The following ABCG1 variants were observed in gnomAD, a reference collection of about 807,000 sequenced individuals.
The protein encoded by ABCG1 is ATP-binding cassette sub-family G member 1.
Under a neutral mutation model 69.2 loss-of-function variants are expected in ABCG1, and 29 were observed. The ratio of observed to expected loss-of-function variants is 0.42; its 90% CI spans 0.31 to 0.57. The LOEUF (loss-of-function observed/expected upper bound fraction) is 0.57, where lower values mean the gene tolerates loss of function less well. Among genes scored for constraint, ABCG1 ranks in the 20% least tolerant of loss-of-function variants. The pLI is 0.15. For synonymous variants in ABCG1, 370 were observed against 374.8 expected, an observed-to-expected ratio of 0.99 and a Z score of 0.15; for missense variants, 718 against 898.1, an observed-to-expected ratio of 0.80 and a Z score of 2.56.
chr21:42,269,765 G>C (rs2068582167), intron 2 of ABCG1, among the ~76,000 whole-genome samples: 2 of 152,172 alleles, frequency 1.3e-5, no homozygotes, highest in Admixed American at 1.3e-4. Context: ...AAGACAGCTG[G>C]GAGCAAACTC....
chr21:42,240,089 T>C (rs1400575674), intron 2 of ABCG1, among the ~76,000 whole-genome samples: 1 of 152,208 alleles, frequency 6.6e-6, no homozygotes, highest in East Asian at 1.9e-4. Flanking sequence ...GTGCTCATCT[T>C]GGGACAGGCA....
intron 5 of ABCG1, 22 bp from the exon 6 acceptor site, chr21:42,282,252 T>C: frequency 6.2e-7 from 1 of 1,605,006 alleles, no homozygotes. Context: ...GCTCCCAATG[T>C]CTCTCGTTCT....
chr21:42,245,685 G>A (rs907144033), intron 2 of ABCG1, among the ~76,000 whole-genome samples: 1 of 152,256 alleles, frequency 6.6e-6, no homozygotes, highest in Non-Finnish European at 1.5e-5. Flanking sequence ...AGACAGAGAA[G>A]AGAGCACAGC....
chr21:42,292,290 C>T (rs1318761227), intron 13 of ABCG1, among the ~76,000 whole-genome samples: 1 of 152,100 alleles, frequency 6.6e-6, no homozygotes, highest in Non-Finnish European at 1.5e-5. Context: ...ACCTCCAGTC[C>T]ACCATAAGCA....
At chr21:42,214,693 G>A (rs1360854137), upstream of ABCG1, among the ~76,000 whole-genome samples, 1 of 152,206 alleles carries the variant, frequency 6.6e-6, no homozygotes, top group East Asian at 1.9e-4. Context: ...CTTACACTTG[G>A]GGCAGCATCT....
chr21:42,259,690 A>C (rs964903633), intron 2 of ABCG1, among the ~76,000 whole-genome samples: 8 of 152,268 alleles, frequency 5.3e-5, no homozygotes, highest in Non-Finnish European at 8.8e-5. Flanking sequence ...TCGCACGTGC[A>C]TGTAATCCAC....
chr21:42,259,482 C>A (rs1281250356), intron 2 of ABCG1: 14 of 1,548,056 alleles, frequency 9.0e-6, no homozygotes, highest in South Asian at 8.3e-5. Context: ...TGTCATCATG[C>A]CCCCATCCAA....
Position 42,207,824 on chromosome 21 carries a change from G to T in ABCG1, c.48+6101G>T, listed in dbSNP as rs180941077. On this transcript the variant is annotated intron_variant, in intron 2 of 15. Transcript: ENST00000398457. ...AGACCTTAACTACTGTTCCCCACAT[G>T]GTCTTCATGACATCACAGGGTGATG... Among the ~76,000 whole-genome samples the T allele has an allele frequency of 3.0e-4, 45 of 152,300 alleles. No homozygotes were observed. In the East Asian group the frequency reaches 6.4e-3, roughly 22 times the overall value.
chr21:42,225,737 G>T lies in ABCG1; in HGVS notation c.109G>T (p.Val37Leu). 6.2e-7 allele frequency: 1 copy of T among 1,610,708 alleles called. No individual in the cohort carries two copies. Among genetic ancestry groups the T allele is most frequent in the Non-Finnish European group, 8.5e-7 (1 of 1,178,694 alleles). Residue 37 changes from valine to leucine, a missense_variant, in exon 2 of 15, where the codon GTG becomes TTG. This residue lies in a region of ABCG1 where 514 missense variants were observed against 574.3 expected (regional missense o/e 0.90). Transcript: ENST00000398449. ...GGTGTGTGTCTCGGTGGATGAGGTG[G>T]TGTCCAGCAACATGGAGGCCACTGA... ...KSVCVSVDEV[V>L]SSNMEATETD...
chr21:42,225,468 G>A (rs147719637), intron 1 of ABCG1, among the ~76,000 whole-genome samples: 1 of 152,216 alleles, frequency 6.6e-6, no homozygotes, highest in East Asian at 1.9e-4. Context: ...TTTACCTTAA[G>A]CATTTTTTAA....
At chr21:42,215,320 G>A (rs1471914382), upstream of ABCG1, among the ~76,000 whole-genome samples, 1 of 152,220 alleles carries the variant, frequency 6.6e-6, no homozygotes, top group Non-Finnish European at 1.5e-5. Flanking sequence ...CAGAGGCCAA[G>A]TCCTCAGTGT....
intron 13 of ABCG1, among the ~76,000 whole-genome samples, chr21:42,292,397 G>T (rs1391565889): frequency 6.6e-6 from 1 of 152,068 alleles, no homozygotes; most frequent in East Asian, 1.9e-4. Context: ...AGATGACACT[G>T]CAGGAAGGTG....
At chr21:42,272,903 C>T (rs143473833) in intron 3 of ABCG1, among the ~76,000 whole-genome samples, 1 of 152,356 alleles carries the variant, frequency 6.6e-6, no homozygotes, top group East Asian at 1.9e-4. Flanking sequence ...GCCTGAGCTA[C>T]ACACAGAATT....
chr21:42,253,184 T>C (rs1043224207), intron 2 of ABCG1, among the ~76,000 whole-genome samples: 5 of 152,078 alleles, frequency 3.3e-5, no homozygotes, highest in African/African-American at 1.2e-4. Flanking sequence ...CCAGGGAGGA[T>C]CCTTTCAGCT....
chr21:42,202,877 T>A (rs2067517699), intron 2 of ABCG1, among the ~76,000 whole-genome samples: 1 of 152,146 alleles, frequency 6.6e-6, no homozygotes, highest in African/African-American at 2.4e-5. Flanking sequence ...CCTCCCAAAG[T>A]GCTGGGATTA....
At chr21:42,208,755 C>G (rs781672769) in intron 2 of ABCG1, among the ~76,000 whole-genome samples, 2 of 152,192 alleles carry the variant, frequency 1.3e-5, no homozygotes, top group Admixed American at 6.5e-5. Context: ...TTTCCCTGCT[C>G]TAGCAATTTT....
At chr21:42,281,755 G>A (rs916817258) in intron 5 of ABCG1, among the ~76,000 whole-genome samples, 1 of 152,084 alleles carries the variant, frequency 6.6e-6, no homozygotes, top group Non-Finnish European at 1.5e-5. Context: ...AGAGTGCTGG[G>A]AACAGCCCCC....
intron 2 of ABCG1, among the ~76,000 whole-genome samples, chr21:42,267,444 G>A (rs1217812672): frequency 6.7e-6 from 1 of 149,938 alleles, no homozygotes; most frequent in Non-Finnish European, 1.5e-5. Context: ...GGTGTGGTCC[G>A]AGTTCTGTCT....
At chr21:42,225,197 T>C (rs778251766) in intron 1 of ABCG1, among the ~76,000 whole-genome samples, 1 of 152,248 alleles carries the variant, frequency 6.6e-6, no homozygotes. Flanking sequence ...GCTCAGGTGA[T>C]GTCATTGCTC....
Sources: allele counts gnomAD v4.1 joint callset (sites outside exome capture counted in the v4.1 genomes callset), GRCh38; gene constraint gnomAD v4.1.1; regional missense constraint gnomAD v4.1.1; transcripts MANE v1.5; gene names NCBI Gene and HGNC (gene_info 2026-07-23, HGNC 2026-07-21).